The following ATXN7L1 variants were observed in gnomAD, a reference collection of about 807,000 sequenced individuals.
ATXN7L1 encodes the protein ataxin 7 like 1, also known as ataxin-7-like protein 1.
In ATXN7L1, 15 loss-of-function variants were observed where a neutral mutation model predicts 70.8. The ratio of observed to expected loss-of-function variants is 0.21; its 90% CI spans 0.14 to 0.33. The LOEUF (loss-of-function observed/expected upper bound fraction) is 0.33, where lower values mean the gene tolerates loss of function less well. Ranked by LOEUF, ATXN7L1 falls within the 10% of genes least tolerant of loss-of-function variation. The probability of loss-of-function intolerance (pLI) is 1.00; values close to 1 mark genes in which losing one functional copy is unlikely to be tolerated. For synonymous variants in ATXN7L1, 440 were observed against 445.1 expected (o/e 0.99, Z 0.14); for missense variants, 975 against 1,097.1 (o/e 0.89, Z 1.57).
intron 2 of ATXN7L1, among the ~76,000 whole-genome samples, chr7:105,805,737 C>CAGGGGG (rs1807478777): frequency 6.6e-6 from 1 of 152,078 alleles, no homozygotes; most frequent in South Asian, 2.1e-4. Context: ...CAGGCAGTCG[C>CAGGGGG]AGGGGGAGGG....
intron 2 of ATXN7L1, among the ~76,000 whole-genome samples, chr7:105,852,760 T>C (rs1210253357): frequency 6.6e-6 from 1 of 151,678 alleles, no homozygotes; most frequent in Non-Finnish European, 1.5e-5. Context: ...TTTGACCCAC[T>C]CACAGATGGA....
At chr7:105,741,652 C>T (rs10282340) in intron 3 of ATXN7L1, among the ~76,000 whole-genome samples, 1,995 of 152,208 alleles carry the variant, frequency 0.013, 52 homozygotes, top group African/African-American at 0.045. Context: ...TGGGTTCTCT[C>T]CCTAAAAGAT....
chr7:105,775,567 A>G (rs1237789852), intron 3 of ATXN7L1, among the ~76,000 whole-genome samples: 1 of 152,132 alleles, frequency 6.6e-6, no homozygotes, highest in Admixed American at 6.5e-5. Flanking sequence ...GCTGCAGCTT[A>G]CATGGGATTG....
chr7:105,828,542 GA>G (rs1333538724), intron 2 of ATXN7L1, among the ~76,000 whole-genome samples: 1 of 152,192 alleles, frequency 6.6e-6, no homozygotes, highest in East Asian at 1.9e-4. Flanking sequence ...AGGTGAATAT[GA>G]ATGTAAGAAC....
chr7:105,833,441 A>G lies in ATXN7L1; in HGVS notation c.250+42371T>C, dbSNP rs144536635. Among the ~76,000 whole-genome samples the G allele has an allele frequency of 3.0e-4, 46 of 152,354 alleles. No individual in the cohort carries two copies. The East Asian group carries it at 7.9e-3, about 26-fold the overall frequency. ...TAAATGAATACCCATTAAATAAAAGAGCAAATAGATGTACTCACACCATTT... is the reference window on the plus strand; with the variant it reads ...TAAATGAATACCCATTAAATAAAAGGGCAAATAGATGTACTCACACCATTT... On this transcript the variant is annotated intron_variant, in intron 2 of 11. Transcript: ENST00000419735.
rs1242448466 is a variant in ATXN7L1, at chr7:105,614,856, T to C, written c.1518-40A>G. ...AGAGTGAAAGAGAATCAGTGAGACA[T>C]CGGGTTGGCATTGCTCAGGAGGCTC... is the stretch of plus-strand genomic sequence containing the variant. On this transcript the variant is annotated intron_variant, in intron 9 of 11. Coordinates refer to ENST00000419735, the MANE Select transcript of ATXN7L1 (RefSeq NM_020725.2). This position sits in a 1 kb window ranked among gnomAD's most constrained non-coding sequence, Gnocchi z 4.3. 3.3e-6 allele frequency: 5 copies of C among 1,521,724 alleles called. No homozygotes were observed. Among genetic ancestry groups the C allele is most frequent in the Non-Finnish European group, 3.5e-6 (4 of 1,130,326 alleles). 94.3% of individuals were successfully genotyped at this position (1,521,724 alleles called of 1,614,324 possible). A position where few individuals can be genotyped will look rare whatever the true frequency, so the allele number is the denominator to read the frequency against.
At chr7:105,758,575 G>T (rs1046513426) in intron 3 of ATXN7L1, among the ~76,000 whole-genome samples, 1 of 152,356 alleles carries the variant, frequency 6.6e-6, no homozygotes, top group Middle Eastern at 3.4e-3. Context: ...GTGGTGACAG[G>T]TTCTGGCTCT....
intron 2 of ATXN7L1, among the ~76,000 whole-genome samples, chr7:105,859,140 G>A (rs1585170599): frequency 6.6e-6 from 1 of 152,004 alleles, no homozygotes; most frequent in Middle Eastern, 3.2e-3. Flanking sequence ...TGTGATACTG[G>A]TATTATGATT....
At chr7:105,702,588 G>A (rs1051119580) in intron 3 of ATXN7L1, among the ~76,000 whole-genome samples, 5 of 150,472 alleles carry the variant, frequency 3.3e-5, no homozygotes, top group Admixed American at 1.3e-4. Flanking sequence ...ACACACACAG[G>A]GCGAATCACA....
intron 3 of ATXN7L1, among the ~76,000 whole-genome samples, chr7:105,778,366 C>A (rs1323261644): frequency 1.4e-5 from 2 of 147,442 alleles, no homozygotes; most frequent in African/African-American, 5.0e-5. Flanking sequence ...AAAAAATTAG[C>A]CAGACATGGT....
At chr7:105,815,854 A>T (rs1051221342) in intron 2 of ATXN7L1, among the ~76,000 whole-genome samples, 3 of 152,250 alleles carry the variant, frequency 2.0e-5, no homozygotes, top group Non-Finnish European at 4.4e-5. Context: ...GAGAGTTCAC[A>T]GGATGCTTGT....
chr7:105,706,108 T>C (rs1006038741), intron 3 of ATXN7L1, among the ~76,000 whole-genome samples: 8 of 152,250 alleles, frequency 5.3e-5, no homozygotes, highest in African/African-American at 1.9e-4. Flanking sequence ...GTCTGAGAGC[T>C]AGCTAAACTG....
chr7:105,661,025 G>A (rs752486204), intron 4 of ATXN7L1, among the ~76,000 whole-genome samples: 1 of 152,150 alleles, frequency 6.6e-6, no homozygotes, highest in Non-Finnish European at 1.5e-5. Context: ...GACAATGTCT[G>A]TGTCTTAACT....
intron 3 of ATXN7L1, among the ~76,000 whole-genome samples, chr7:105,666,974 C>G (rs534284148): frequency 1.3e-5 from 2 of 152,156 alleles, no homozygotes; most frequent in Non-Finnish European, 2.9e-5. Context: ...TAGATGGCTT[C>G]GAAGCCTCCT....
At chr7:105,630,460 T>A (rs557129540) in intron 7 of ATXN7L1, among the ~76,000 whole-genome samples, 16 of 152,284 alleles carry the variant, frequency 1.1e-4, no homozygotes, top group South Asian at 6.2e-4. Flanking sequence ...AGAAATTTTT[T>A]AAAAAATATT....
intron 3 of ATXN7L1, among the ~76,000 whole-genome samples, chr7:105,750,076 A>C (rs1054699332): frequency 5.9e-5 from 9 of 151,668 alleles, no homozygotes; most frequent in African/African-American, 2.2e-4. Context: ...TTTTCTTCCC[A>C]CTCATTTAAG....
intron 2 of ATXN7L1, among the ~76,000 whole-genome samples, chr7:105,798,388 G>C (rs527849116): frequency 1.6e-4 from 24 of 152,306 alleles, no homozygotes; most frequent in African/African-American, 5.5e-4. Context: ...GTGTGATCCT[G>C]GGCCTGGAAG....
At chr7:105,618,806 A>G (rs1193382224) in intron 9 of ATXN7L1, among the ~76,000 whole-genome samples, 2 of 152,208 alleles carry the variant, frequency 1.3e-5, no homozygotes, top group Non-Finnish European at 2.9e-5. Context: ...GGCCGGCCTT[A>G]CATTATCAAG....
At chr7:105,793,033 T>C (rs1207096237) in intron 2 of ATXN7L1, among the ~76,000 whole-genome samples, 1 of 152,214 alleles carries the variant, frequency 6.6e-6, no homozygotes, top group African/African-American at 2.4e-5. Context: ...CTCACAGCAG[T>C]GATTTGTAAA....
Sources: allele counts gnomAD v4.1 joint callset (sites outside exome capture counted in the v4.1 genomes callset), GRCh38; gene constraint gnomAD v4.1.1; non-coding constraint Gnocchi (gnomAD v3.1); transcripts MANE v1.5; gene names NCBI Gene and HGNC (gene_info 2026-07-23, HGNC 2026-07-21).